PRSS57: variants seen among roughly 807,000 people sequenced by gnomAD.
PRSS57 encodes serine protease 57.
PRSS57 carries 19 observed loss-of-function variants against 20.6 expected under a neutral mutation model. The ratio of observed to expected loss-of-function variants is 0.92; its 90% confidence interval spans 0.64 to 1.35. The LOEUF (loss-of-function observed/expected upper bound fraction) is 1.35, where lower values mean the gene tolerates loss of function less well. Ranked by LOEUF, PRSS57 falls within the 40% of genes most tolerant of loss-of-function variation. The probability of loss-of-function intolerance (pLI) is 0.00; values close to 1 mark genes in which losing one functional copy is unlikely to be tolerated. For synonymous variants in PRSS57, 203 were observed against 176.6 expected, an observed-to-expected ratio of 1.15 and a Z score of -1.19; for missense variants, 440 against 403.7, an observed-to-expected ratio of 1.09 and a Z score of -0.77.
chr19:694,632 G>A (rs2031736420), intron 2 of PRSS57, among the ~76,000 whole-genome samples, 182 bp downstream of exon 2: 2 of 107,560 alleles, frequency 1.9e-5, no homozygotes. Flanking sequence ...TGCTTCTTCT[G>A]TGCTTCTTTT....
In PRSS57 at chr19:695,064, CAG is replaced by C. The variant is rs553782578; in HGVS notation, c.80-99_80-98del. 147 of 1,194,366 alleles carry C rather than the reference CAG, an allele frequency of 1.2e-4. No individual in the cohort carries two copies. In the East Asian group the frequency reaches 2.8e-3, roughly 23 times the overall value. 74.0% of individuals were successfully genotyped at this position (1,194,366 alleles called of 1,614,324 possible). A position where few individuals can be genotyped will look rare whatever the true frequency, so the allele number is the denominator to read the frequency against. On this transcript the variant is annotated intron_variant, in intron 1 of 4. Transcript: ENST00000329267. ...GGAGAAGTAGCGGCCAAGACAGAGA[CAG>C]GGGGTGAGATTAGAGACGGAGAGAC...
At chr19:693,312 C>G (rs1390527087) in intron 2 of PRSS57, among the ~76,000 whole-genome samples, 2 of 149,948 alleles carry the variant, frequency 1.3e-5, no homozygotes, top group Non-Finnish European at 3.0e-5. Flanking sequence ...ACTGCAGCCT[C>G]GACCTCCCAG....
chr19:686,908 C>A lies in PRSS57; in HGVS notation c.642+17G>T. ...TTCCCCACACAGTAAGTGGGTGGAG[C>A]AGGGAGGGGATCTTACCGAGCAGAA... is the stretch of plus-strand genomic sequence containing the variant. On this transcript the variant is annotated intron_variant, in intron 4 of 4. Coordinates refer to ENST00000329267, the MANE Select transcript of PRSS57 (RefSeq NM_001308209.2). The A allele has an allele frequency of 6.2e-7, 1 of 1,607,710 alleles. No individual in the cohort carries two copies. The highest frequency in any genetic ancestry group is 8.5e-7 in the Non-Finnish European group (1 of 1,176,088).
rs374824335 is a variant in PRSS57, at chr19:695,352, C to A, written c.79G>T (p.Gly27Cys). The stretch of plus-strand genomic sequence containing the variant: ...GTGGGGATCCCGGGGGGCTCCTCAC[C>A]GGGGGGCTTCACGGGCAGCATCAGG... The part of the protein sequence containing the change: ...TALMLPVKPP[G>C]SWGAQIIGGH... The change falls in exon 1 of 5, where the codon GGC becomes TGC. Residue 27 changes from glycine (G) to cysteine (C), a missense_variant and splice_region_variant. Gly to Cys is a radical substitution (Grantham distance 159, BLOSUM62 -3). Transcript: ENST00000329267. 1.8e-4 allele frequency: 226 copies of A among 1,269,520 alleles called. 2 individuals carry two copies. Among genetic ancestry groups the A allele is most frequent in the Non-Finnish European group, 1.5e-4 (154 of 1,003,542 alleles). The allele number at this position is 1,269,520 out of a possible 1,614,324, so 78.6% of individuals were successfully genotyped here.
At chr19:686,646 G>C (rs1234827358) in intron 4 of PRSS57, among the ~76,000 whole-genome samples, 1 of 152,158 alleles carries the variant, frequency 6.6e-6, no homozygotes, top group African/African-American at 2.4e-5. Context: ...GGTTTTAGGA[G>C]TGGGAGCTGC....
chr19:688,428 C>T (rs2031537323), intron 3 of PRSS57, among the ~76,000 whole-genome samples: 1 of 151,340 alleles, frequency 6.6e-6, no homozygotes, highest in Non-Finnish European at 1.5e-5. Context: ...GCAACCTCCG[C>T]CTCCCGGGTT....
intron 3 of PRSS57, chr19:690,398 G>T: frequency 6.2e-6 from 1 of 161,854 alleles, no homozygotes; most frequent in South Asian, 1.4e-4. Context: ...CTGGGATGGG[G>T]AACGGCGCTG....
rs1187245521 is a variant in PRSS57 at position 694,889 on chromosome 19, C to G, written c.158G>C (p.Gly53Ala). ...GAAGCCTCCGCAGTGATGTTGGCCC[C>G]CGAAGCGCACGGATGCCATGTAGGG... ...SRPYMASVRF[G>A]GQHHCGGFLL... The change falls in exon 2 of 5, where the codon GGG (glycine) becomes GCG (alanine). Residue 53 changes from glycine to alanine, a missense_variant. Transcript: ENST00000329267. 3 of 1,604,292 alleles carry G rather than the reference C, an allele frequency of 1.9e-6. No homozygotes were observed. The East Asian group carries it at 6.8e-5, about 36-fold the overall frequency.
chr19:694,673 T>G, intron 2 of PRSS57, 141 bp downstream of exon 2: 1 of 926,126 alleles, frequency 1.1e-6, no homozygotes, highest in Non-Finnish European at 1.6e-6. Context: ...TGTTTTCCCT[T>G]TGTTGCCCTT....
chr19:686,992 T>A lies in PRSS57; in HGVS notation c.575A>T (p.Lys192Met), dbSNP rs1431337323. The A allele has an allele frequency of 6.2e-7, 1 of 1,614,096 alleles. No individual in the cohort carries two copies. Among genetic ancestry groups the A allele is most frequent in the South Asian group, 1.1e-5 (1 of 91,074 alleles). ...LDPDVCNSSWKGHLTLTMLCT... is the reference protein window; with the variant it reads ...LDPDVCNSSWMGHLTLTMLCT... ...GAGCATGGTAAGTGTCAGGTGGCCC[T>A]TCCAGGAGCTGTTGCAGACGTCCGG... The change falls in exon 4 of 5, where the codon AAG becomes ATG. Residue 192 changes from lysine (K) to methionine (M), a missense_variant. Physicochemically the swap from Lys to Met is moderately conservative, Grantham distance 95. Coordinates refer to ENST00000329267, the MANE Select transcript of PRSS57 (RefSeq NM_001308209.2).
Position 687,020 on chromosome 19 carries a change from C to A in PRSS57, c.547G>T (p.Asp183Tyr), listed in dbSNP as rs755511641. ...CAGGAGCTGTTGCAGACGTCCGGGT[C>A]CAGCACTCGGACCTTGGCCTCCATC... ...GLMEAKVRVL[D>Y]PDVCNSSWKG... Residue 183 changes from aspartate (D) to tyrosine (Y), a missense_variant, in exon 4 of 5, where the codon GAC becomes TAC. Physicochemically the swap from Asp to Tyr is radical, Grantham distance 160. Coordinates refer to ENST00000329267, the MANE Select transcript of PRSS57 (RefSeq NM_001308209.2). 3 of 1,613,968 alleles carry A rather than the reference C, an allele frequency of 1.9e-6. No homozygotes were observed. The Admixed American group carries it at 5.0e-5, about 27-fold the overall frequency.
At chr19:689,997 G>A (rs1452834180) in intron 3 of PRSS57, among the ~76,000 whole-genome samples, 1 of 151,688 alleles carries the variant, frequency 6.6e-6, no homozygotes, top group Non-Finnish European at 1.5e-5. Context: ...AGGTTGCAGT[G>A]AGCCCTGACT....
intron 2 of PRSS57, among the ~76,000 whole-genome samples, 198 bp downstream of exon 2, chr19:694,616 G>T (rs1355306184): frequency 6.8e-6 from 1 of 147,422 alleles, no homozygotes; most frequent in Non-Finnish European, 1.5e-5. Flanking sequence ...TACTTGTTGC[G>T]CCTGTTGCTT....
intron 3 of PRSS57, among the ~76,000 whole-genome samples, chr19:689,076 G>A (rs1449237847): frequency 6.6e-6 from 1 of 152,126 alleles, no homozygotes; most frequent in Non-Finnish European, 1.5e-5. Context: ...GGTGGTCCAG[G>A]GGTTAGCAGG....
chr19:689,482 G>A (rs1392182510), intron 3 of PRSS57, among the ~76,000 whole-genome samples: 1 of 152,090 alleles, frequency 6.6e-6, no homozygotes, highest in Admixed American at 6.6e-5. Flanking sequence ...CATCCGGGAG[G>A]TCTGCTGGCC....
chr19:695,185 C>T (rs2031756616), intron 1 of PRSS57, among the ~76,000 whole-genome samples, 167 bp downstream of exon 1: 2 of 152,122 alleles, frequency 1.3e-5, no homozygotes, highest in Admixed American at 6.5e-5. Context: ...TGGGCAGAGA[C>T]CCCGGCCGGA....
intron 3 of PRSS57, among the ~76,000 whole-genome samples, chr19:689,038 GT>G (rs1826381792): frequency 6.6e-6 from 1 of 152,166 alleles, no homozygotes; most frequent in Admixed American, 6.6e-5. Flanking sequence ...TGCCCGTTAG[GT>G]TCAGAGGAAG....
intron 3 of PRSS57, among the ~76,000 whole-genome samples, chr19:689,181 ACG>A (rs1221319847): frequency 8.9e-6 from 1 of 112,188 alleles, no homozygotes; most frequent in African/African-American, 3.6e-5. Context: ...GCAGGTGACG[ACG>A]GGGCTGGAAG....
rs563374441 is a variant in PRSS57, at chr19:687,908, C to A, written c.379-720G>T. Among the ~76,000 whole-genome samples, 19 of 152,328 alleles carry A rather than the reference C, an allele frequency of 1.2e-4. No individual in the cohort carries two copies. In the East Asian group the frequency reaches 3.5e-3, roughly 28 times the overall value. On this transcript the variant is annotated intron_variant, in intron 3 of 4. Transcript: ENST00000329267. ...CCTCCCCTCACACCAGACCCCCAGC[C>A]TGAAACACTTTTCCTATTCAGCCAT...
Sources: gnomAD v4.1 joint callset for allele counts (sites outside exome capture counted in the v4.1 genomes callset) on GRCh38, gnomAD v4.1.1 for gene constraint, MANE v1.5 for transcripts, NCBI Gene and HGNC (gene_info 2026-07-23, HGNC 2026-07-21) for gene names.